Variants in CCDC7 observed in about 807,000 individuals in gnomAD.
CCDC7 encodes the protein coiled-coil domain containing 7, also known as coiled-coil domain-containing protein 7.
A neutral mutation model predicts 196.9 loss-of-function variants in CCDC7; 183 were observed. The ratio of observed to expected loss-of-function variants is 0.93; its 90% CI spans 0.82 to 1.05. The LOEUF is 1.05. CCDC7 is among the 50% of genes least tolerant of loss of function. The probability of loss-of-function intolerance (pLI) is 0.00; values close to 1 mark genes in which losing one functional copy is unlikely to be tolerated. For synonymous variants in CCDC7, 525 were observed against 484.6 expected (o/e 1.08, Z -1.10); for missense variants, 1,540 against 1,482.2 (o/e 1.04, Z -0.64).
chr10:32,709,612 G>A (rs2080465684), intron 24 of CCDC7, among the ~76,000 whole-genome samples: 1 of 152,130 alleles, frequency 6.6e-6, no homozygotes, highest in Non-Finnish European at 1.5e-5. Flanking sequence ...GCAGTAATGT[G>A]AATGATGGGG....
chr10:32,636,908 A>G (rs2065761498), intron 20 of CCDC7, among the ~76,000 whole-genome samples: 1 of 152,090 alleles, frequency 6.6e-6, no homozygotes, highest in African/African-American at 2.4e-5. Flanking sequence ...CTGACTTTTT[A>G]ATGATCGCCA....
At chr10:32,753,869 TTA>T (rs1356089850) in intron 28 of CCDC7, among the ~76,000 whole-genome samples, 2 of 152,186 alleles carry the variant, frequency 1.3e-5, no homozygotes, top group Non-Finnish European at 2.9e-5. Context: ...TCTTAATTGT[TTA>T]TTTTTTCATA....
In CCDC7 at chr10:32,706,223, G is replaced by T. The variant is rs182092945; in HGVS notation, c.2459-5397G>T. On this transcript the variant is annotated intron_variant, in intron 24 of 41. Coordinates refer to ENST00000639629, the Ensembl canonical transcript of CCDC7. Reference sequence around the variant, plus strand: ...ACAACCTGCTCCTGAATGACTACTGGGTAAATAATGAAATGAAGGCAGAAA... The same window carrying T: ...ACAACCTGCTCCTGAATGACTACTGTGTAAATAATGAAATGAAGGCAGAAA... 6.6e-5 allele frequency among the ~76,000 whole-genome samples: 10 copies of T among 152,044 alleles called. No homozygotes were observed. In the East Asian group the frequency reaches 1.9e-3, roughly 29 times the overall value.
chr10:32,595,459 T>A (rs2060230611), intron 18 of CCDC7, among the ~76,000 whole-genome samples: 1 of 152,014 alleles, frequency 6.6e-6, no homozygotes, highest in Non-Finnish European at 1.5e-5. Flanking sequence ...GTCTTGCGAG[T>A]GGTCTATCAA....
downstream of CCDC7, among the ~76,000 whole-genome samples, chr10:32,878,170 G>T (rs555598478): frequency 6.6e-6 from 1 of 152,030 alleles, no homozygotes; most frequent in East Asian, 1.9e-4. Context: ...GTGGCTCTTG[G>T]GCTCTTTATA....
At chr10:32,697,831 G>T (rs183160775) in intron 24 of CCDC7, among the ~76,000 whole-genome samples, 2 of 152,140 alleles carry the variant, frequency 1.3e-5, no homozygotes, top group African/African-American at 4.8e-5. Flanking sequence ...GTGGTTCTCC[G>T]TGCATGGAGT....
chr10:32,491,126 A>G (rs2990979), intron 8 of CCDC7, among the ~76,000 whole-genome samples: 20,984 of 151,954 alleles, frequency 0.14, 1,746 homozygotes, highest in East Asian at 0.25. Flanking sequence ...TAGCTTCTTT[A>G]TGTTTTTCTA....
chr10:32,640,055 G>T (rs1483946574), intron 20 of CCDC7, among the ~76,000 whole-genome samples: 2 of 152,158 alleles, frequency 1.3e-5, no homozygotes, highest in Non-Finnish European at 2.9e-5. Flanking sequence ...TGTCTATTAG[G>T]TCTTCTTGGT....
At chr10:32,576,302 TA>T (rs61171117) in intron 16 of CCDC7, among the ~76,000 whole-genome samples, 73,097 of 144,238 alleles carry the variant, frequency 0.51, 18,865 homozygotes, top group Non-Finnish European at 0.58. Context: ...CAAAGGGGGT[TA>T]AAAAAAAAAA....
intron 18 of CCDC7, among the ~76,000 whole-genome samples, chr10:32,623,156 AT>A (rs2063593283): frequency 6.6e-6 from 1 of 152,112 alleles, no homozygotes; most frequent in African/African-American, 2.4e-5. Context: ...CTCTTACTAC[AT>A]TTTGTTTGTT....
At chr10:32,635,379 AT>A (rs1454785120) in intron 20 of CCDC7, among the ~76,000 whole-genome samples, 1 of 150,988 alleles carries the variant, frequency 6.6e-6, no homozygotes, top group African/African-American at 2.5e-5. Context: ...GTTTTACTTT[AT>A]ATCTTATGAC....
chr10:32,545,977 C>A (rs2052393609), intron 13 of CCDC7, among the ~76,000 whole-genome samples: 1 of 150,046 alleles, frequency 6.7e-6, no homozygotes, highest in South Asian at 2.1e-4. Context: ...CAGCCTTAGG[C>A]TCTAGTGCAG....
At chr10:32,463,666 C>G (rs2036193674) in intron 5 of CCDC7, among the ~76,000 whole-genome samples, 1 of 151,988 alleles carries the variant, frequency 6.6e-6, no homozygotes, top group East Asian at 1.9e-4. Context: ...TGGTTCAGTC[C>G]AATTAAACAC....
At chr10:32,836,475 T>C (rs1331939006) in intron 33 of CCDC7, among the ~76,000 whole-genome samples, 2 of 152,160 alleles carry the variant, frequency 1.3e-5, no homozygotes, top group African/African-American at 4.8e-5. Context: ...TCCACAATGG[T>C]TGAACTAGTT....
chr10:32,476,858 TTGGTG>T (rs2039063845), intron 8 of CCDC7, among the ~76,000 whole-genome samples: 1 of 152,226 alleles, frequency 6.6e-6, no homozygotes, highest in Non-Finnish European at 1.5e-5. Flanking sequence ...TTTCATTTCT[TTGGTG>T]AGGTATTCAG....
At position 32,636,991 on chromosome 10, in the gene CCDC7, AT is replaced by A. The variant is rs1280822228; in HGVS notation, c.2014+1839del. Among the ~76,000 whole-genome samples the A allele has an allele frequency of 2.6e-5, 4 of 152,026 alleles. No individual in the cohort carries two copies. In the East Asian group the frequency reaches 7.7e-4, roughly 29 times the overall value. Reference sequence around the variant, plus strand: ...TCTCTGATGGCCAGTGATGATGAGCATTTTTTCATGTGTCTGTTGGCTGCAT... The same window carrying A: ...TCTCTGATGGCCAGTGATGATGAGCATTTTTCATGTGTCTGTTGGCTGCAT... On this transcript the variant is annotated intron_variant, in intron 20 of 41. Transcript: ENST00000639629.
chr10:32,777,199 A>G (rs1035708370), intron 28 of CCDC7, among the ~76,000 whole-genome samples: 5 of 152,156 alleles, frequency 3.3e-5, no homozygotes, highest in Admixed American at 3.3e-4. Flanking sequence ...TGTTGCTGCA[A>G]AAGACATGAT....
In CCDC7 at chr10:32,462,623, A is replaced by G. The variant is rs923478728; in HGVS notation, c.457-60A>G. ...ATTGCAAAAGACTGAACTAAATATT[A>G]TATTATACATTGTGAAGCATTCTAA... On this transcript the variant is annotated intron_variant, in intron 3 of 41. Transcript: ENST00000639629. The G allele has an allele frequency of 9.6e-6, 12 of 1,246,458 alleles. No homozygotes were observed. In the African/African-American group the frequency reaches 1.2e-4, roughly 13 times the overall value. The allele number at this position is 1,246,458 out of a possible 1,614,324, so 77.2% of individuals were successfully genotyped here. A position where few individuals can be genotyped will look rare whatever the true frequency, so the allele number is the denominator to read the frequency against.
At chr10:32,685,934 T>C (rs1263127878) in intron 21 of CCDC7, 36 bp from the exon 23 acceptor site, 2 of 1,055,332 alleles carry the variant, frequency 1.9e-6, no homozygotes, top group Non-Finnish European at 2.7e-6. Flanking sequence ...GATCCATTTT[T>C]CTATTTAGTG....
Sources: gnomAD v4.1 joint callset for allele counts (sites outside exome capture counted in the v4.1 genomes callset) on GRCh38, gnomAD v4.1.1 for gene constraint, MANE v1.5 for transcripts, NCBI Gene and HGNC (gene_info 2026-07-23, HGNC 2026-07-21) for gene names.